The following LDLRAD4 variants were observed in gnomAD, a reference collection of about 807,000 sequenced individuals.
LDLRAD4 encodes the protein low-density lipoprotein receptor class A domain-containing protein 4.
LDLRAD4 carries 5 observed loss-of-function variants against 17.0 expected under a neutral mutation model. The observed-to-expected ratio is 0.29, with a 90% CI of 0.15 to 0.62. The LOEUF (loss-of-function observed/expected upper bound fraction) is 0.62. Ranked by LOEUF, LDLRAD4 falls within the 20% of genes least tolerant of loss-of-function variation. The pLI is 0.84. For synonymous variants in LDLRAD4, 168 were observed against 171.8 expected, an observed-to-expected ratio of 0.98 and a Z score of 0.17; for missense variants, 340 against 424.7, an observed-to-expected ratio of 0.80 and a Z score of 1.75.
chr18:13,567,464 A>C (rs183846968), intron 3 of LDLRAD4, among the ~76,000 whole-genome samples: 6 of 151,856 alleles, frequency 4.0e-5, no homozygotes, highest in Non-Finnish European at 8.8e-5. Flanking sequence ...CCGCCGCTGC[A>C]GCCCCCCAGG....
At chr18:13,559,885 G>A (rs1216352793) in intron 3 of LDLRAD4, among the ~76,000 whole-genome samples, 8 of 141,768 alleles carry the variant, frequency 5.6e-5, no homozygotes, top group Non-Finnish European at 1.5e-5. Flanking sequence ...GCCTCTGCTT[G>A]TATCCAGACA....
intron 1 of LDLRAD4, among the ~76,000 whole-genome samples, chr18:13,299,196 G>A (rs2046444596): frequency 6.6e-6 from 1 of 152,236 alleles, no homozygotes; most frequent in African/African-American, 2.4e-5. Context: ...GTAGCTCAAT[G>A]CTGGCGAGAC....
At chr18:13,411,607 C>A (rs1408152929) in intron 2 of LDLRAD4, among the ~76,000 whole-genome samples, 3 of 152,108 alleles carry the variant, frequency 2.0e-5, no homozygotes, top group Non-Finnish European at 2.9e-5. Context: ...AGGGCAGTTC[C>A]CCTGCACACG....
chr18:13,588,465 C>A (rs1232173274), intron 3 of LDLRAD4, among the ~76,000 whole-genome samples: 37 of 152,198 alleles, frequency 2.4e-4, no homozygotes, highest in Admixed American at 2.2e-3. Flanking sequence ...TGAAATATTA[C>A]AAATAAATTT....
chr18:13,423,318 C>G (rs1042592858), intron 2 of LDLRAD4, among the ~76,000 whole-genome samples: 1 of 151,990 alleles, frequency 6.6e-6, no homozygotes, highest in African/African-American at 2.4e-5. Flanking sequence ...CATGGAGAAA[C>G]TCTGTCTCTA....
intron 1 of LDLRAD4, among the ~76,000 whole-genome samples, chr18:13,318,866 A>T (rs780524599): frequency 6.6e-6 from 1 of 152,050 alleles, no homozygotes; most frequent in Admixed American, 6.5e-5. Context: ...AAGCCCTCTT[A>T]CTTTACACTG....
chr18:13,368,701 G>C (rs561549865), intron 1 of LDLRAD4, among the ~76,000 whole-genome samples: 8 of 152,188 alleles, frequency 5.3e-5, no homozygotes, highest in Non-Finnish European at 1.2e-4. Context: ...TTGTTTGGGA[G>C]CATCTTCAGT....
chr18:13,421,730 C>T (rs2089473942), intron 2 of LDLRAD4, among the ~76,000 whole-genome samples: 2 of 152,220 alleles, frequency 1.3e-5, no homozygotes, highest in Non-Finnish European at 2.9e-5. Context: ...TCCCTAAGTG[C>T]CGTTTGTAGA....
chr18:13,550,075 A>G (rs565468035), intron 3 of LDLRAD4, among the ~76,000 whole-genome samples: 1 of 152,356 alleles, frequency 6.6e-6, no homozygotes, highest in East Asian at 1.9e-4. Flanking sequence ...CCACACAGGA[A>G]GAAAGCAGAC....
At chr18:13,519,301 T>C (rs960383292) in intron 3 of LDLRAD4, among the ~76,000 whole-genome samples, 8 of 152,182 alleles carry the variant, frequency 5.3e-5, no homozygotes, top group Non-Finnish European at 1.0e-4. Context: ...ATCCTTCTAG[T>C]TCCAGAAACA....
intron 3 of LDLRAD4, chr18:13,460,894 A>T (rs1234536864): frequency 2.0e-5 from 3 of 152,224 alleles, no homozygotes; most frequent in Non-Finnish European, 4.4e-5. Flanking sequence ...CAAATGAATC[A>T]GCCCACTGGG....
intron 1 of LDLRAD4, among the ~76,000 whole-genome samples, chr18:13,338,966 A>T (rs570283066): frequency 1.3e-5 from 2 of 152,174 alleles, no homozygotes; most frequent in Admixed American, 1.3e-4. Context: ...TTAAAAATTT[A>T]TAAAATGTTA....
chr18:13,575,171 A>G (rs888833665), intron 3 of LDLRAD4, among the ~76,000 whole-genome samples: 1 of 152,232 alleles, frequency 6.6e-6, no homozygotes, highest in African/African-American at 2.4e-5. Context: ...TGGTGCACCC[A>G]TCACCCGAGC....
At chr18:13,476,134 CTTAA>C (rs1257124863) in intron 3 of LDLRAD4, among the ~76,000 whole-genome samples, 1 of 152,128 alleles carries the variant, frequency 6.6e-6, no homozygotes, top group African/African-American at 2.4e-5. Context: ...ACATGGATGC[CTTAA>C]GTGCCTGTGG....
intron 3 of LDLRAD4, among the ~76,000 whole-genome samples, chr18:13,458,107 C>A (rs1445861874): frequency 6.6e-6 from 1 of 152,144 alleles, no homozygotes; most frequent in African/African-American, 2.4e-5. Context: ...AGTCTCCTAA[C>A]TGGACCAAGA....
At chr18:13,217,944 T>C (rs1489223268), upstream of LDLRAD4, 1 of 146,848 alleles carries the variant, frequency 6.8e-6, no homozygotes, top group African/African-American at 2.5e-5. The surrounding 1 kb of genome is among the most constrained non-coding windows in gnomAD (Gnocchi z 4.9). Flanking sequence ...CCTCAGCTCT[T>C]AAAGAACCCC....
At chr18:13,422,877 G>A (rs923197193) in intron 2 of LDLRAD4, among the ~76,000 whole-genome samples, 12 of 152,156 alleles carry the variant, frequency 7.9e-5, no homozygotes, top group East Asian at 5.8e-4. Flanking sequence ...GCTGCTTGCC[G>A]CTCAACCTTG....
Position 13,405,571 on chromosome 18 carries a change from C to T in LDLRAD4, c.40+17809C>T, listed in dbSNP as rs536104244. Among the ~76,000 whole-genome samples the T allele has an allele frequency of 2.2e-3, 341 of 151,986 alleles. 3 individuals carry two copies. Among genetic ancestry groups the T allele is most frequent in the Non-Finnish European group, 2.6e-3 (179 of 67,994 alleles). ...TCAGCCTCCCGAGTTGCTGGGACCA[C>T]AGGCACAAGCCACCATGCCTGGCTA... On this transcript the variant is annotated intron_variant, in intron 2 of 5. Transcript: ENST00000359446.
At chr18:13,344,158 A>ATGCCTACGTCCTGAATGGTAT (rs1275366564) in intron 1 of LDLRAD4, among the ~76,000 whole-genome samples, 1 of 152,210 alleles carries the variant, frequency 6.6e-6, no homozygotes, top group Non-Finnish European at 1.5e-5. Flanking sequence ...GTCCTTGCCC[A>ATGCCTACGTCCTGAATGGTAT]TGCCTACGTC....
Sources: gnomAD v4.1 joint callset for allele counts (sites outside exome capture counted in the v4.1 genomes callset) on GRCh38, gnomAD v4.1.1 for gene constraint, Gnocchi (gnomAD v3.1) non-coding constraint, MANE v1.5 for transcripts, NCBI Gene and HGNC (gene_info 2026-07-23, HGNC 2026-07-21) for gene names.